DNM3: variants seen among roughly 807,000 people sequenced by gnomAD.
DNM3 encodes dynamin-3.
Under a neutral mutation model 101.6 loss-of-function variants are expected in DNM3, and 47 were observed. The observed-to-expected ratio is 0.46, with a 90% CI of 0.37 to 0.59. The LOEUF (loss-of-function observed/expected upper bound fraction) is 0.59, where lower values mean the gene tolerates loss of function less well. DNM3 is among the 20% of genes least tolerant of loss of function. The probability of loss-of-function intolerance (pLI) is 0.00; values close to 1 mark genes in which losing one functional copy is unlikely to be tolerated. For synonymous variants in DNM3, 385 were observed against 387.9 expected, an observed-to-expected ratio of 0.99 and a Z score of 0.09; for missense variants, 849 against 1,085.7, an observed-to-expected ratio of 0.78 and a Z score of 3.06.
intron 17 of DNM3, among the ~76,000 whole-genome samples, chr1:172,372,651 T>A (rs568336677): frequency 6.6e-6 from 1 of 150,730 alleles, no homozygotes; most frequent in Non-Finnish European, 1.5e-5. Context: ...TGGCCCCCAA[T>A]GTAGTATGAA....
At chr1:172,314,740 T>G (rs1156347789) in intron 16 of DNM3, among the ~76,000 whole-genome samples, 1 of 152,158 alleles carries the variant, frequency 6.6e-6, no homozygotes, top group Non-Finnish European at 1.5e-5. Flanking sequence ...GCCGGGAAGC[T>G]CCAACTGGCT....
chr1:172,308,396 G>A (rs1239898582), intron 15 of DNM3, among the ~76,000 whole-genome samples: 1 of 152,114 alleles, frequency 6.6e-6, no homozygotes, highest in Non-Finnish European at 1.5e-5. Context: ...TGATCTAGCG[G>A]CTGAGCAATA....
chr1:172,085,532 C>T (rs16843814), intron 12 of DNM3, among the ~76,000 whole-genome samples: 4,747 of 152,120 alleles, frequency 0.031, 190 homozygotes, highest in African/African-American at 0.094. Flanking sequence ...AGATATGTGC[C>T]GTTAGAGTGA....
chr1:172,407,316 T>C (rs1573781648), intron 20 of DNM3, among the ~76,000 whole-genome samples: 1 of 151,996 alleles, frequency 6.6e-6, no homozygotes, highest in Non-Finnish European at 1.5e-5. Flanking sequence ...ATAGAACAAA[T>C]TGGAGAAAGT....
At chr1:172,143,321 T>C (rs780430440) in intron 14 of DNM3, among the ~76,000 whole-genome samples, 4 of 152,170 alleles carry the variant, frequency 2.6e-5, no homozygotes, top group Non-Finnish European at 5.9e-5. Context: ...GTTTTCATTA[T>C]ATAGAATTGT....
At chr1:172,331,159 A>G (rs2066166535) in intron 17 of DNM3, among the ~76,000 whole-genome samples, 1 of 152,136 alleles carries the variant, frequency 6.6e-6, no homozygotes, top group Non-Finnish European at 1.5e-5. Context: ...TTCCTGGACC[A>G]ATCGTTCTTC....
At chr1:172,354,003 G>A (rs1430671387) in intron 17 of DNM3, among the ~76,000 whole-genome samples, 1 of 151,504 alleles carries the variant, frequency 6.6e-6, no homozygotes, top group African/African-American at 2.4e-5. Context: ...CGTGGTTCAC[G>A]GAGAGCTTTG....
intron 2 of DNM3, among the ~76,000 whole-genome samples, chr1:171,924,892 C>G (rs1428586028): frequency 6.7e-6 from 1 of 148,954 alleles, no homozygotes; most frequent in African/African-American, 2.4e-5. Flanking sequence ...CTGTCCTTTG[C>G]CCACTTTTTT....
intron 1 of DNM3, among the ~76,000 whole-genome samples, chr1:171,891,152 A>C (rs147448026): frequency 6.6e-6 from 1 of 152,344 alleles, no homozygotes; most frequent in African/African-American, 2.4e-5. Flanking sequence ...GCAATGACCA[A>C]TACAGTCTCC....
intron 14 of DNM3, among the ~76,000 whole-genome samples, chr1:172,250,870 G>A (rs1180518412): frequency 6.6e-6 from 1 of 151,934 alleles, no homozygotes; most frequent in Non-Finnish European, 1.5e-5. Context: ...AAATTTAATG[G>A]AACTACATAT....
At chr1:172,151,012 G>GAT (rs1279972964) in intron 14 of DNM3, among the ~76,000 whole-genome samples, 3 of 152,100 alleles carry the variant, frequency 2.0e-5, no homozygotes, top group African/African-American at 7.2e-5. Context: ...AATAGATCTA[G>GAT]ATATATATGC....
At chr1:172,394,100 T>C (rs892651448) in intron 20 of DNM3, 1 of 152,250 alleles carries the variant, frequency 6.6e-6, no homozygotes, top group Non-Finnish European at 1.5e-5. Flanking sequence ...AATTATTTCA[T>C]TGGAGTGAAT....
At chr1:171,869,006 C>T (rs554242223) in intron 1 of DNM3, among the ~76,000 whole-genome samples, 2 of 152,294 alleles carry the variant, frequency 1.3e-5, no homozygotes, top group African/African-American at 2.4e-5. Flanking sequence ...TGGTCTCGAC[C>T]TCCTGACCTC....
At chr1:172,164,375 TG>T (rs2058673833) in intron 14 of DNM3, among the ~76,000 whole-genome samples, 1 of 151,874 alleles carries the variant, frequency 6.6e-6, no homozygotes, top group South Asian at 2.1e-4. Context: ...CCAAGTCCTC[TG>T]AGACTACAGC....
At chr1:172,172,275 T>C (rs1210130717) in intron 14 of DNM3, among the ~76,000 whole-genome samples, 1 of 151,642 alleles carries the variant, frequency 6.6e-6, no homozygotes, top group East Asian at 2.0e-4. Flanking sequence ...TCCCCCCTAA[T>C]TCACAGGGAC....
At chr1:172,053,964 G>A (rs75625341) in intron 10 of DNM3, among the ~76,000 whole-genome samples, 2,281 of 152,160 alleles carry the variant, frequency 0.015, 55 homozygotes, top group African/African-American at 0.05. Context: ...TTCAGTGCAG[G>A]ACATTTTTGA....
At chr1:172,083,467 A>T (rs1370066695) in intron 12 of DNM3, among the ~76,000 whole-genome samples, 2 of 152,220 alleles carry the variant, frequency 1.3e-5, no homozygotes, top group South Asian at 2.1e-4. Flanking sequence ...GCTGCCTTTA[A>T]TGTTGATTTT....
At chr1:171,938,564 T>A (rs534640144) in intron 2 of DNM3, among the ~76,000 whole-genome samples, 1 of 152,328 alleles carries the variant, frequency 6.6e-6, no homozygotes, top group South Asian at 2.1e-4. Context: ...TGAGGATCAC[T>A]GGAATAGAAG....
At chr1:172,367,678 T>C (rs575973664) in intron 17 of DNM3, among the ~76,000 whole-genome samples, 1 of 151,958 alleles carries the variant, frequency 6.6e-6, no homozygotes, top group Admixed American at 6.6e-5. Flanking sequence ...AAGACCAAAC[T>C]ATATGCCGCC....
Sources: allele counts gnomAD v4.1 joint callset (sites outside exome capture counted in the v4.1 genomes callset), GRCh38; gene constraint gnomAD v4.1.1; transcripts MANE v1.5; gene names NCBI Gene and HGNC (gene_info 2026-07-23, HGNC 2026-07-21).